The following RSF1 variants were observed in gnomAD, a reference collection of about 807,000 sequenced individuals.
RSF1 encodes the protein remodeling and spacing factor 1.
A neutral mutation model predicts 145.2 loss-of-function variants in RSF1; 13 were observed. The observed-to-expected ratio is 0.09, with a 90% CI of 0.06 to 0.14. RSF1 has a LOEUF of 0.14. Among genes scored for constraint, RSF1 ranks in the 10% least tolerant of loss-of-function variants. The pLI is 1.00. For synonymous variants in RSF1, 577 were observed against 592.6 expected, an observed-to-expected ratio of 0.97 and a Z score of 0.38; for missense variants, 1,517 against 1,718.2, an observed-to-expected ratio of 0.88 and a Z score of 2.07.
intron 1 of RSF1, among the ~76,000 whole-genome samples, 197 bp downstream of exon 1, chr11:77,820,331 G>C (rs1009438707): frequency 1.3e-5 from 2 of 152,288 alleles, no homozygotes; most frequent in Admixed American, 6.5e-5. Context: ...AGTGGCCCTA[G>C]GGGGCCTCCG....
upstream of RSF1, chr11:77,820,983 G>A (rs1025993624): frequency 3.9e-6 from 2 of 517,796 alleles, no homozygotes; most frequent in Non-Finnish European, 6.8e-6. Context: ...CTTCGGGCTT[G>A]CCACTGCCTC....
At chr11:77,814,497 G>C (rs1948763297) in intron 1 of RSF1, among the ~76,000 whole-genome samples, 1 of 152,156 alleles carries the variant, frequency 6.6e-6, no homozygotes, top group African/African-American at 2.4e-5. Context: ...CCAGGCTGGA[G>C]TGCAGTGGCA....
At chr11:77,804,952 A>G (rs1459085046) in intron 1 of RSF1, among the ~76,000 whole-genome samples, 1 of 152,210 alleles carries the variant, frequency 6.6e-6, no homozygotes, top group Non-Finnish European at 1.5e-5. Flanking sequence ...ACAAACACAC[A>G]TATCACTTAT....
intron 1 of RSF1, among the ~76,000 whole-genome samples, chr11:77,776,457 C>A (rs1285426508): frequency 6.6e-6 from 1 of 152,060 alleles, no homozygotes; most frequent in Non-Finnish European, 1.5e-5. Flanking sequence ...ATTCATTTGA[C>A]AAGCAGAGGT....
chr11:77,690,927 T>A, intron 9 of RSF1: 2 of 518,904 alleles, frequency 3.9e-6, no homozygotes, highest in Non-Finnish European at 6.8e-6. Flanking sequence ...AATTTGAGTA[T>A]CATATAATTT....
intron 3 of RSF1, among the ~76,000 whole-genome samples, 155 bp from the exon 4 acceptor site, chr11:77,741,091 A>G (rs998241040): frequency 4.6e-5 from 7 of 152,200 alleles, no homozygotes; most frequent in Non-Finnish European, 1.0e-4. Context: ...CTTTCATACA[A>G]ACTGTTTAGA....
intron 9 of RSF1, among the ~76,000 whole-genome samples, chr11:77,686,327 G>T (rs183539178): frequency 2.0e-5 from 3 of 147,518 alleles, no homozygotes; most frequent in African/African-American, 7.5e-5. Context: ...AAGATTACTT[G>T]AACTCAGGAG....
the RSF1 span, among the ~76,000 whole-genome samples, chr11:77,868,357 CTT>C: frequency 4.3e-5 from 5 of 116,760 alleles, no homozygotes; most frequent in African/African-American, 3.4e-5. Context: ...GCCCAGCCGC[CTT>C]TTTTTTTTTT....
chr11:77,697,686 TA>T (rs200047535), intron 7 of RSF1, among the ~76,000 whole-genome samples: 1 of 150,884 alleles, frequency 6.6e-6, no homozygotes, highest in Non-Finnish European at 1.5e-5. Context: ...TCCTATAAAT[TA>T]AAAAAAATTT....
intron 1 of RSF1, among the ~76,000 whole-genome samples, chr11:77,767,650 T>C (rs891513892): frequency 2.6e-5 from 4 of 152,360 alleles, no homozygotes; most frequent in African/African-American, 9.6e-5. Context: ...TTGAATCATA[T>C]TTATCTTTCA....
At chr11:77,871,073 G>A in the RSF1 span, among the ~76,000 whole-genome samples, 1 of 152,030 alleles carries the variant, frequency 6.6e-6, no homozygotes, top group Non-Finnish European at 1.5e-5. Flanking sequence ...CTGAAGTGCT[G>A]GGATTAAAGG....
chr11:77,842,669 C>G, the RSF1 span: 2 of 1,599,898 alleles, frequency 1.3e-6, no homozygotes, highest in Non-Finnish European at 8.5e-7. Context: ...TGAGGCTGAC[C>G]AAGTGATTTC....
intron 1 of RSF1, among the ~76,000 whole-genome samples, chr11:77,815,176 G>A (rs952018706): frequency 6.6e-6 from 1 of 152,236 alleles, no homozygotes; most frequent in African/African-American, 2.4e-5. Flanking sequence ...AACAGTACAA[G>A]AGCGAGCAAA....
the RSF1 span, chr11:77,868,916 C>T: frequency 4.7e-6 from 1 of 213,144 alleles, no homozygotes; most frequent in East Asian, 1.2e-4. Context: ...TTAATGTGCT[C>T]AATAGGCACA....
intron 4 of RSF1, among the ~76,000 whole-genome samples, chr11:77,736,995 T>C (rs1961369134): frequency 1.3e-5 from 2 of 152,206 alleles, no homozygotes; most frequent in African/African-American, 4.8e-5. Flanking sequence ...AGAGAGTCAA[T>C]AAACCAAATG....
At position 77,717,181 on chromosome 11, in the gene RSF1, CAA is replaced by C. The variant is rs55686322; in HGVS notation, c.733+8362_733+8363del. ...CAAAAAAAAAACAAAAACCAAAAACCAAAAAAAAAAAAAAACACCTTGCAATC... is the reference window on the plus strand; with the variant it reads ...CAAAAAAAAAACAAAAACCAAAAACCAAAAAAAAAAAAACACCTTGCAATC... On this transcript the variant is annotated intron_variant, in intron 5 of 15. Coordinates refer to ENST00000308488, the MANE Select transcript of RSF1 (RefSeq NM_016578.4). 4.9e-3 allele frequency among the ~76,000 whole-genome samples: 630 copies of C among 129,112 alleles called. 1 individual carries two copies. The highest frequency in any genetic ancestry group is 7.0e-3 in the Non-Finnish European group (435 of 61,740). 84.7% of individuals were successfully genotyped at this position (129,112 alleles called of 152,430 possible).
rs1960417336 is a variant in RSF1 at position 77,701,361 on chromosome 11, G to A, written c.1868C>T (p.Pro623Leu). The change falls in exon 6 of 16, where the codon CCT (proline) becomes CTT (leucine). Residue 623 changes from proline to leucine, a missense_variant. Physicochemically the swap from Pro to Leu is moderately conservative, Grantham distance 98. Transcript: ENST00000308488. The part of the protein sequence containing the change: ...STLESEKPGS[P>L]EAAETSPPSN... ...TGGTGGAGAAGTTTCAGCTGCCTCA[G>A]GAGAGCCAGGCTTTTCTGACTCTAG... The A allele has an allele frequency of 6.2e-7, 1 of 1,614,018 alleles. No homozygotes were observed. The highest frequency in any genetic ancestry group is 1.1e-5 in the South Asian group (1 of 91,066).
At chr11:77,738,053 C>T (rs375232989) in intron 4 of RSF1, among the ~76,000 whole-genome samples, 44 of 152,300 alleles carry the variant, frequency 2.9e-4, no homozygotes, top group African/African-American at 9.6e-4. Context: ...GGCGTGAACC[C>T]GGAAGGCGGA....
chr11:77,788,359 T>C (rs1948481854), intron 1 of RSF1, among the ~76,000 whole-genome samples: 1 of 151,044 alleles, frequency 6.6e-6, no homozygotes. Context: ...ATAATCCATA[T>C]GTTCAAGAAC....
Sources: allele counts gnomAD v4.1 joint callset (sites outside exome capture counted in the v4.1 genomes callset), GRCh38; gene constraint gnomAD v4.1.1; transcripts MANE v1.5; gene names NCBI Gene and HGNC (gene_info 2026-07-23, HGNC 2026-07-21).